PCDH9: variants seen among roughly 807,000 people sequenced by gnomAD.
PCDH9 encodes protocadherin 9, also known as protocadherin-9.
PCDH9 carries 24 observed loss-of-function variants against 70.6 expected under a neutral mutation model. That is an observed-to-expected ratio of 0.34 (90% CI 0.25 to 0.48). The LOEUF (loss-of-function observed/expected upper bound fraction) is 0.48. PCDH9 is among the 20% of genes least tolerant of loss of function. The pLI, the probability that PCDH9 is intolerant of heterozygous loss-of-function variation, is 0.99. For synonymous variants in PCDH9, 562 were observed against 558.5 expected, an observed-to-expected ratio of 1.01 and a Z score of -0.09; for missense variants, 1,281 against 1,503.6, an observed-to-expected ratio of 0.85 and a Z score of 2.45.
At position 66,536,155 on chromosome 13, in the gene PCDH9, A is replaced by G. The variant is rs73513830; in HGVS notation, c.3340+95055T>C. On this transcript the variant is annotated intron_variant, in intron 4 of 4. Coordinates refer to ENST00000377865, the MANE Select transcript of PCDH9 (RefSeq NM_203487.3). The stretch of plus-strand genomic sequence containing the variant: ...CTCAATTGATTATTCATACCACCCC[A>G]TATGGTTGTAGGACAAGTATTACTT... Among the ~76,000 whole-genome samples the G allele has an allele frequency of 6.2e-3, 937 of 152,106 alleles. 10 individuals carry two copies. Among genetic ancestry groups the G allele is most frequent in the African/African-American group, 0.021 (884 of 41,544 alleles).
At chr13:66,657,924 T>G (rs745363480) in intron 3 of PCDH9, among the ~76,000 whole-genome samples, 6 of 152,192 alleles carry the variant, frequency 3.9e-5, no homozygotes, top group African/African-American at 9.7e-5. Flanking sequence ...GACTGCAGGT[T>G]GAAAATTCAC....
intron 4 of PCDH9, among the ~76,000 whole-genome samples, chr13:66,536,792 T>C (rs1288845340): frequency 6.6e-6 from 1 of 151,630 alleles, no homozygotes; most frequent in Non-Finnish European, 1.5e-5. Flanking sequence ...GGTACCCAAA[T>C]AGTTATAAGT....
intron 4 of PCDH9, among the ~76,000 whole-genome samples, chr13:66,579,183 T>G (rs9540826): frequency 6.6e-6 from 1 of 151,832 alleles, no homozygotes; most frequent in South Asian, 2.1e-4. Flanking sequence ...AAATAAGAAA[T>G]TCTTTCTCCT....
chr13:66,870,959 T>C (rs1295041386), intron 3 of PCDH9, among the ~76,000 whole-genome samples: 2 of 152,138 alleles, frequency 1.3e-5, no homozygotes, highest in South Asian at 2.1e-4. Flanking sequence ...TGCGGCACTA[T>C]TCACAATAGC....
chr13:66,991,596 A>G (rs2084004276), intron 2 of PCDH9, among the ~76,000 whole-genome samples: 1 of 152,054 alleles, frequency 6.6e-6, no homozygotes. Context: ...TTGAAATTTC[A>G]TTTGACTAAC....
intron 4 of PCDH9, among the ~76,000 whole-genome samples, chr13:66,435,090 C>T (rs1957844871): frequency 6.6e-6 from 1 of 152,026 alleles, no homozygotes; most frequent in Non-Finnish European, 1.5e-5. Context: ...CATTAGATGG[C>T]TTAGGAAACT....
At chr13:66,514,640 G>T (rs867519176) in intron 4 of PCDH9, among the ~76,000 whole-genome samples, 3 of 152,082 alleles carry the variant, frequency 2.0e-5, no homozygotes, top group African/African-American at 7.2e-5. Context: ...GTGTGCTTTT[G>T]TGGCAGACAT....
At chr13:66,718,409 G>T (rs1327061285) in intron 3 of PCDH9, among the ~76,000 whole-genome samples, 4 of 152,034 alleles carry the variant, frequency 2.6e-5, no homozygotes, top group Non-Finnish European at 5.9e-5. Flanking sequence ...ATACTATTTT[G>T]TTGAGGGGGG....
At position 66,383,590 on chromosome 13, in the gene PCDH9, T is replaced by A. The variant is rs185455412; in HGVS notation, c.3341-78562A>T. ...AATACATTGTAATCATGGTTTTCAA[T>A]ACAAATAAAATAACATATACAAATC... On this transcript the variant is annotated intron_variant, in intron 4 of 4. Coordinates refer to ENST00000377865, the MANE Select transcript of PCDH9 (RefSeq NM_203487.3). Among the ~76,000 whole-genome samples the A allele has an allele frequency of 1.9e-4, 29 of 152,346 alleles. 1 individual carries two copies. The highest frequency in any genetic ancestry group is 1.8e-3 in the Admixed American group (28 of 15,310).
At chr13:66,590,618 T>G (rs2077026287) in intron 4 of PCDH9, among the ~76,000 whole-genome samples, 1 of 151,874 alleles carries the variant, frequency 6.6e-6, no homozygotes. Flanking sequence ...GTTAAGCTAA[T>G]TGTAACATAA....
At chr13:66,827,369 A>AAG (rs869299720) in intron 3 of PCDH9, among the ~76,000 whole-genome samples, 1 of 80,270 alleles carries the variant, frequency 1.2e-5, no homozygotes, top group Non-Finnish European at 3.7e-5. Flanking sequence ...GCAAAAAAAA[A>AAG]AAAAAGAAAA....
At chr13:66,938,118 T>C (rs1172000363) in intron 2 of PCDH9, among the ~76,000 whole-genome samples, 1 of 152,182 alleles carries the variant, frequency 6.6e-6, no homozygotes, top group Non-Finnish European at 1.5e-5. Flanking sequence ...AAGTGGCAGA[T>C]ATTTTAGTCT....
chr13:66,743,462 T>G (rs898120970), intron 3 of PCDH9, among the ~76,000 whole-genome samples: 2 of 146,330 alleles, frequency 1.4e-5, no homozygotes, highest in Admixed American at 6.9e-5. Flanking sequence ...ACCTGCACAA[T>G]GTGCACATGT....
chr13:66,533,629 A>G (rs949889529), intron 4 of PCDH9, among the ~76,000 whole-genome samples: 1 of 152,176 alleles, frequency 6.6e-6, no homozygotes, highest in Non-Finnish European at 1.5e-5. Context: ...TAGACATGAC[A>G]TAAAAGTTGT....
In PCDH9 at chr13:66,304,115, T is replaced by G. The variant is rs1177492985; in HGVS notation, c.*540A>C. On this transcript the variant is annotated 3_prime_UTR_variant, in exon 5 of 5. Transcript: ENST00000377865. ...TACACAAAAGTTGTTAATAATAGCT[T>G]GCTTCTATTTACAAATACTTTAACA... The G allele has an allele frequency of 6.6e-6, 1 of 152,500 alleles. No individual in the cohort carries two copies. The highest frequency in any genetic ancestry group is 2.4e-5 in the African/African-American group (1 of 41,424). The allele number at this position is 152,500 out of a possible 1,614,324, so 9.4% of individuals were successfully genotyped here. A position where few individuals can be genotyped will look rare whatever the true frequency, so the allele number is the denominator to read the frequency against.
chr13:66,977,453 C>A (rs1461198074), intron 2 of PCDH9: 2 of 152,056 alleles, frequency 1.3e-5, no homozygotes, highest in Non-Finnish European at 2.9e-5. Context: ...TATCCATATC[C>A]CTCCTTCTCA....
intron 2 of PCDH9, among the ~76,000 whole-genome samples, chr13:67,113,037 G>A (rs1241370705): frequency 6.6e-6 from 1 of 152,104 alleles, no homozygotes; most frequent in Admixed American, 6.5e-5. Context: ...CCTTTTCCCT[G>A]TAACTTTAGC....
intron 3 of PCDH9, among the ~76,000 whole-genome samples, chr13:66,819,746 A>T (rs1173392838): frequency 6.6e-6 from 1 of 152,140 alleles, no homozygotes; most frequent in Admixed American, 6.6e-5. Flanking sequence ...AAATTAAAAA[A>T]TTAGCAGTGC....
chr13:66,503,530 A>AT (rs940364394), intron 4 of PCDH9, among the ~76,000 whole-genome samples: 2 of 152,104 alleles, frequency 1.3e-5, no homozygotes, highest in South Asian at 2.1e-4. Flanking sequence ...ATGTTCTTTC[A>AT]TTTTTTGTAA....
Sources: gnomAD v4.1 joint callset for allele counts (sites outside exome capture counted in the v4.1 genomes callset) on GRCh38, gnomAD v4.1.1 for gene constraint, MANE v1.5 for transcripts, NCBI Gene and HGNC (gene_info 2026-07-23, HGNC 2026-07-21) for gene names.